The following LRBA variants were observed in gnomAD, a reference collection of about 807,000 sequenced individuals.
LRBA encodes the protein LPS responsive beige-like anchor protein.
LRBA carries 176 observed loss-of-function variants against 330.0 expected under a neutral mutation model. The ratio of observed to expected loss-of-function variants is 0.53; its 90% CI spans 0.47 to 0.60. The LOEUF is 0.60. LRBA is among the 20% of genes least tolerant of loss of function. The pLI is 0.00. For missense variants in LRBA, 3,259 were observed against 3,444.8 expected (o/e 0.95, Z 1.35); for synonymous variants, 1,230 against 1,193.0 (o/e 1.03, Z -0.64).
At chr4:150,976,129 T>C (rs562186216) in intron 2 of LRBA, among the ~76,000 whole-genome samples, 1 of 148,852 alleles carries the variant, frequency 6.7e-6, no homozygotes, top group South Asian at 2.1e-4. Context: ...GAGCCAAGAT[T>C]GTGCCACTGC....
chr4:150,671,000 A>AT lies in LRBA; in HGVS notation c.5921+12550dup, dbSNP rs1554076584. ...TTCACTTTGTCCCACAACATAGCTGATGTGTGTGTGTGTGTGTGTGTGTGT... is the reference window on the plus strand; with the variant it reads ...TTCACTTTGTCCCACAACATAGCTGATTGTGTGTGTGTGTGTGTGTGTGTGT... On this transcript the variant is annotated intron_variant, in intron 37 of 56. Transcript: ENST00000651943. Among the ~76,000 whole-genome samples the AT allele has an allele frequency of 4.7e-5, 5 of 106,826 alleles. No individual in the cohort carries two copies. The Admixed American group carries it at 5.0e-4, about 11-fold the overall frequency. The allele number at this position is 106,826 out of a possible 152,430, so 70.1% of individuals were successfully genotyped here. A position where few individuals can be genotyped will look rare whatever the true frequency, so the allele number is the denominator to read the frequency against.
intron 37 of LRBA, among the ~76,000 whole-genome samples, chr4:150,613,675 G>A (rs1775482759): frequency 6.6e-6 from 1 of 152,208 alleles, no homozygotes; most frequent in Admixed American, 6.5e-5. Context: ...AGGCCTCACA[G>A]AGAAAAGCTG....
chr4:150,436,644 G>T, intron 45 of LRBA, 80 bp downstream of exon 45: 3 of 1,174,498 alleles, frequency 2.6e-6, no homozygotes, highest in Non-Finnish European at 3.6e-6. Flanking sequence ...AAAAAAATAT[G>T]CTTATGAGTT....
At chr4:150,915,563 C>CTTAA in intron 8 of LRBA, 45 bp downstream of exon 8, 1 of 1,553,170 alleles carries the variant, frequency 6.4e-7, no homozygotes, top group Non-Finnish European at 8.7e-7. Flanking sequence ...AAAGCTCATG[C>CTTAA]TTTTAAAATC....
At chr4:150,441,363 C>T (rs539904535) in intron 44 of LRBA, among the ~76,000 whole-genome samples, 2 of 152,054 alleles carry the variant, frequency 1.3e-5, no homozygotes, top group Admixed American at 6.6e-5. Context: ...AACAAAATTA[C>T]TTTTCAAAAA....
intron 46 of LRBA, among the ~76,000 whole-genome samples, chr4:150,432,553 GT>G (rs1750574479): frequency 1.4e-5 from 2 of 145,020 alleles, no homozygotes; most frequent in South Asian, 4.3e-4. Context: ...CGCCTCCTGG[GT>G]TCACGCCATT....
intron 30 of LRBA, among the ~76,000 whole-genome samples, chr4:150,824,074 C>T (rs1745872609): frequency 6.6e-6 from 1 of 151,884 alleles, no homozygotes; most frequent in South Asian, 2.1e-4. Flanking sequence ...TATGAAATAT[C>T]TTTCATTTTG....
At chr4:150,629,195 T>C (rs1777138981) in intron 37 of LRBA, among the ~76,000 whole-genome samples, 1 of 152,184 alleles carries the variant, frequency 6.6e-6, no homozygotes, top group African/African-American at 2.4e-5. Flanking sequence ...GTCCACTGCA[T>C]CCAGCCTCAA....
At chr4:150,584,120 A>T in intron 40 of LRBA, 1 of 1,507,782 alleles carries the variant, frequency 6.6e-7, no homozygotes, top group Non-Finnish European at 8.9e-7. Flanking sequence ...GGTGCTGGGG[A>T]CTGCTTGAAA....
intron 36 of LRBA, among the ~76,000 whole-genome samples, chr4:150,685,401 TATATATATATATATATATA>T (rs1202094156): frequency 5.4e-4 from 8 of 14,730 alleles, no homozygotes; most frequent in Non-Finnish European, 1.1e-3. Context: ...TATATATATA[TATATATATATATATATATA>T]TTTTTTTTTT....
intron 47 of LRBA, among the ~76,000 whole-genome samples, chr4:150,355,960 G>A (rs1167471386): frequency 6.6e-6 from 1 of 151,978 alleles, no homozygotes; most frequent in Non-Finnish European, 1.5e-5. Flanking sequence ...TACACACAGA[G>A]ATTTAAAATG....
chr4:150,448,864 A>G (rs12503093), intron 44 of LRBA, among the ~76,000 whole-genome samples: 21,188 of 148,112 alleles, frequency 0.14, 1,602 homozygotes, highest in Middle Eastern at 0.17. Context: ...GCTAAAATTT[A>G]TAAAGAATTT....
At chr4:150,445,554 T>C (rs909551395) in intron 44 of LRBA, among the ~76,000 whole-genome samples, 10 of 152,050 alleles carry the variant, frequency 6.6e-5, no homozygotes, top group Non-Finnish European at 1.0e-4. Context: ...AAATATATGA[T>C]TATAAAAAGC....
chr4:150,386,922 C>T (rs141535676), intron 47 of LRBA, among the ~76,000 whole-genome samples: 10 of 152,272 alleles, frequency 6.6e-5, no homozygotes, highest in Non-Finnish European at 1.2e-4. Flanking sequence ...ACCTCGCCAG[C>T]ATCTGTTGCT....
chr4:150,848,472 A>G (rs1750157268), intron 26 of LRBA, among the ~76,000 whole-genome samples: 1 of 151,504 alleles, frequency 6.6e-6, no homozygotes, highest in Non-Finnish European at 1.5e-5. Flanking sequence ...TCCAGCTACT[A>G]GGAAGGATAA....
At chr4:150,729,085 T>C (rs1397057024) in intron 36 of LRBA, among the ~76,000 whole-genome samples, 1 of 152,050 alleles carries the variant, frequency 6.6e-6, no homozygotes, top group Non-Finnish European at 1.5e-5. Flanking sequence ...TTTGTGAAGA[T>C]AAGGAGGTGG....
At chr4:150,286,638 AC>A (rs1016699835) in intron 53 of LRBA, among the ~76,000 whole-genome samples, 5 of 146,666 alleles carry the variant, frequency 3.4e-5, no homozygotes, top group East Asian at 2.0e-4. Flanking sequence ...CTAAAAAAAA[AC>A]CAAACCCTTA....
chr4:150,845,230 T>C (rs781674938), intron 26 of LRBA, among the ~76,000 whole-genome samples: 4 of 152,190 alleles, frequency 2.6e-5, no homozygotes, highest in African/African-American at 7.2e-5. Flanking sequence ...TAAAGTAAAT[T>C]AGTTAAACTG....
intron 35 of LRBA, among the ~76,000 whole-genome samples, chr4:150,756,266 C>T (rs1011858410): frequency 6.6e-6 from 1 of 152,034 alleles, no homozygotes; most frequent in Non-Finnish European, 1.5e-5. Context: ...CCTAGAACAA[C>T]ATCAGGAGCT....
Sources: allele counts gnomAD v4.1 joint callset (sites outside exome capture counted in the v4.1 genomes callset), GRCh38; gene constraint gnomAD v4.1.1; transcripts MANE v1.5; gene names NCBI Gene and HGNC (gene_info 2026-07-23, HGNC 2026-07-21).